Variants in WDR62 observed in about 807,000 individuals in gnomAD.
The protein encoded by WDR62 is WD repeat domain 62, also known as WD repeat-containing protein 62.
A neutral mutation model predicts 160.6 loss-of-function variants in WDR62; 112 were observed. That is an observed-to-expected ratio of 0.70 (90% confidence interval 0.60 to 0.82). The LOEUF (loss-of-function observed/expected upper bound fraction) is 0.82, where lower values mean the gene tolerates loss of function less well. Ranked by LOEUF, WDR62 falls within the 40% of genes least tolerant of loss-of-function variation. The pLI is 0.00. For synonymous variants in WDR62, 792 were observed against 815.1 expected (o/e 0.97, Z 0.48); for missense variants, 1,819 against 1,983.8 (o/e 0.92, Z 1.58).
intron 19 of WDR62, among the ~76,000 whole-genome samples, chr19:36,093,196 G>A (rs1191871621): frequency 2.0e-5 from 3 of 152,150 alleles, no homozygotes; most frequent in African/African-American, 7.2e-5. Context: ...GCACTGTGAT[G>A]GGGGATGCCC....
intron 9 of WDR62, among the ~76,000 whole-genome samples, chr19:36,078,028 T>A (rs1257000955): frequency 6.6e-6 from 1 of 152,260 alleles, no homozygotes; most frequent in Non-Finnish European, 1.5e-5. Flanking sequence ...GGTGGAATAA[T>A]ATTTCATTGT....
chr19:36,092,308 CAAAA>C (rs557921076), intron 18 of WDR62, among the ~76,000 whole-genome samples: 1 of 81,190 alleles, frequency 1.2e-5, no homozygotes. Context: ...AAGACTCTCT[CAAAA>C]AAAAAAAAAA....
At chr19:36,059,051 C>A (rs777921602) in intron 2 of WDR62, 180 bp downstream of exon 2, 2 of 716,230 alleles carry the variant, frequency 2.8e-6, no homozygotes, top group African/African-American at 1.7e-5. Context: ...AGAACAGTTC[C>A]TGGCATGTAG....
At chr19:36,102,668 T>C in intron 26 of WDR62, 69 bp from the exon 27 acceptor site, 1 of 1,433,442 alleles carries the variant, frequency 7.0e-7, no homozygotes, top group South Asian at 1.2e-5. Flanking sequence ...CGCTGGGCTG[T>C]GGGCTGGCCT....
At chr19:36,091,530 G>C (rs1439945822) in intron 18 of WDR62, 65 bp downstream of exon 18, 1 of 1,505,588 alleles carries the variant, frequency 6.6e-7, no homozygotes, top group African/African-American at 1.4e-5. Context: ...CAGCCTGCCT[G>C]TGTAGAGAGC....
At chr19:36,108,838 AGCAAG>A (rs1973755723), downstream of WDR62, among the ~76,000 whole-genome samples, 2 of 146,260 alleles carry the variant, frequency 1.4e-5, no homozygotes, top group Admixed American at 1.4e-4. Context: ...TAGGTGACAA[AGCAAG>A]GCCCTGTCTC....
chr19:36,062,223 G>A (rs948869903), intron 3 of WDR62: 4 of 152,166 alleles, frequency 2.6e-5, no homozygotes, highest in Non-Finnish European at 4.4e-5. Context: ...TAGGATTACA[G>A]GTGCGAGCCA....
rs764043961 is a variant in WDR62, at chr19:36,067,377, C to G, written c.633C>G (p.Ser211Arg). Residue 211 changes from serine to arginine, a missense_variant, in exon 6 of 32, where the codon AGC (serine) becomes AGG (arginine). Transcript: ENST00000401500. ...CCCTCTCCTTCTCAGAGGACAGCAG[C>G]TATTTTGTCACTGTTGGGAACCGCC... ...VIALSFSEDS[S>R]YFVTVGNRHV... is the part of the protein sequence containing the mutation. The G allele has an allele frequency of 2.0e-5, 33 of 1,614,254 alleles. No homozygotes were observed. The highest frequency in any genetic ancestry group is 6.7e-5 in the Admixed American group (4 of 60,028).
intron 21 of WDR62, among the ~76,000 whole-genome samples, chr19:36,098,722 T>C (rs1266248633): frequency 6.6e-6 from 1 of 151,984 alleles, no homozygotes; most frequent in Non-Finnish European, 1.5e-5. Context: ...ATGAGTTGAG[T>C]TGTCAGCATG....
Position 36,099,506 on chromosome 19 carries a change from C to G in WDR62, c.2628C>G (p.Ile876Met). ...ERAGQEPLKT[I>M]LDAQDLDCYF... ...CCGGCCAAGAGCCCCTCAAGACCAT[C>G]CTGGATGCCCAGGACCTGGATTGCT... Residue 876 changes from isoleucine (I) to methionine (M), a missense_variant, in exon 22 of 32, where the codon ATC becomes ATG. Physicochemically the swap from Ile to Met is conservative, Grantham distance 10. Coordinates refer to ENST00000401500, the MANE Select transcript of WDR62 (RefSeq NM_001083961.2). The G allele has an allele frequency of 6.2e-7, 1 of 1,614,198 alleles. No individual in the cohort carries two copies. The highest frequency in any genetic ancestry group is 8.5e-7 in the Non-Finnish European group (1 of 1,180,044).
chr19:36,072,451 G>T (rs963651388), intron 8 of WDR62, among the ~76,000 whole-genome samples: 2 of 152,186 alleles, frequency 1.3e-5, no homozygotes, highest in South Asian at 4.1e-4. Context: ...GGTTTCGGGC[G>T]TTGGGGTAAA....
rs566462835 is a variant in WDR62, at chr19:36,056,424, T to A, written c.177+1276T>A. Among the ~76,000 whole-genome samples, 5 of 152,310 alleles carry A rather than the reference T, an allele frequency of 3.3e-5. No homozygotes were observed. The East Asian group carries it at 9.6e-4, about 29-fold the overall frequency. ...TGCTTTTGGTTTTCCTGAGGCTCCA[T>A]ATTCTTTTCTGCCTCCTGGCCTTTG... On this transcript the variant is annotated intron_variant, in intron 1 of 31. Coordinates refer to ENST00000401500, the MANE Select transcript of WDR62 (RefSeq NM_001083961.2).
In WDR62 at chr19:36,063,829, C is replaced by T. The variant is rs548926172; in HGVS notation, c.333-2129C>T. ...TAGCAGGTATCCTGGGGACATCTTTCCTGAGACAGTGCAAATATTATCTTG... is the reference window on the plus strand; with the variant it reads ...TAGCAGGTATCCTGGGGACATCTTTTCTGAGACAGTGCAAATATTATCTTG... On this transcript the variant is annotated intron_variant, in intron 3 of 31. Transcript: ENST00000401500. Among the ~76,000 whole-genome samples, 8 of 152,344 alleles carry T rather than the reference C, an allele frequency of 5.3e-5. No homozygotes were observed. In the South Asian group the frequency reaches 6.2e-4, roughly 12 times the overall value.
intron 15 of WDR62, among the ~76,000 whole-genome samples, chr19:36,090,135 A>C (rs1237843313): frequency 2.6e-5 from 4 of 152,200 alleles, no homozygotes; most frequent in Non-Finnish European, 5.9e-5. Flanking sequence ...TGGAGGAGCG[A>C]GCCAGGGGGA....
At chr19:36,096,726 A>G (rs1054178317) in intron 20 of WDR62, among the ~76,000 whole-genome samples, 8 of 151,908 alleles carry the variant, frequency 5.3e-5, no homozygotes, top group Non-Finnish European at 5.9e-5. Context: ...AAGAAAAAAA[A>G]AGAGAACCCC....
In WDR62 at chr19:36,073,346, C is replaced by G. The variant is rs1462196290; in HGVS notation, c.1048C>G (p.Leu350Val). ...DVAQGLEPSF[L>V]FHRKAEAVYP... is the part of the protein sequence containing the mutation. ...TTACCCATGTGGCCTTGTTAGCTTC[C>G]TCTTCCACAGGAAGGCGGAAGCAGT... The change falls in exon 9 of 32, where the codon CTC (leucine) becomes GTC (valine). Residue 350 changes from leucine to valine, a missense_variant. Physicochemically the swap from Leu to Val is conservative, Grantham distance 32. Around this residue, in one of 3 missense-constraint regions of WDR62, gnomAD observed 934 missense variants for 1,157.2 expected, o/e 0.81. Transcript: ENST00000401500. 1.2e-6 allele frequency: 2 copies of G among 1,614,148 alleles called. No homozygotes were observed. The highest frequency in any genetic ancestry group is 1.7e-6 in the Non-Finnish European group (2 of 1,180,018).
chr19:36,102,045 C>T lies in WDR62; in HGVS notation c.3114C>T (p.Ser1038=). ...CAGGTCCCACAGAAGATGAGCTGTC[C>T]CTGCCCGAGGGACCCAGCGTCCCCA... ...GCAGPTEDEL[S]LPEGPSVPSS... Residue 1038 remains serine, a synonymous_variant, in exon 26 of 32, where the codon TCC becomes TCT. Coordinates refer to ENST00000401500, the MANE Select transcript of WDR62 (RefSeq NM_001083961.2). The T allele has an allele frequency of 2.5e-6, 4 of 1,614,166 alleles. No individual in the cohort carries two copies. Among genetic ancestry groups the T allele is most frequent in the Non-Finnish European group, 3.4e-6 (4 of 1,180,040 alleles).
chr19:36,073,004 G>GAAGA (rs1246869468), intron 8 of WDR62, among the ~76,000 whole-genome samples: 2 of 152,318 alleles, frequency 1.3e-5, no homozygotes, highest in Admixed American at 1.3e-4. Flanking sequence ...GTGAGGCCAA[G>GAAGA]AAGAGGTGGG....
chr19:36,107,565 A>G (rs779636584), downstream of WDR62, among the ~76,000 whole-genome samples: 10 of 151,814 alleles, frequency 6.6e-5, no homozygotes, highest in Admixed American at 2.0e-4. Context: ...GGGCAGCAGA[A>G]AAGATGCAGA....
Sources: gnomAD v4.1 joint callset for allele counts (sites outside exome capture counted in the v4.1 genomes callset) on GRCh38, gnomAD v4.1.1 for gene constraint, gnomAD v4.1.1 regional missense constraint, MANE v1.5 for transcripts, NCBI Gene and HGNC (gene_info 2026-07-23, HGNC 2026-07-21) for gene names.